The following RNF19A variants were observed in gnomAD, a reference collection of about 807,000 sequenced individuals.
The protein encoded by RNF19A is ring finger protein 19A, RBR E3 ubiquitin protein ligase.
Under a neutral mutation model 75.7 loss-of-function variants are expected in RNF19A, and 32 were observed. The observed-to-expected ratio is 0.42, with a 90% CI of 0.32 to 0.57. RNF19A has a LOEUF of 0.57. RNF19A is among the 20% of genes least tolerant of loss of function. The pLI, the probability that RNF19A is intolerant of heterozygous loss-of-function variation, is 0.10. For missense variants in RNF19A, 782 were observed against 1,036.3 expected, an observed-to-expected ratio of 0.75 and a Z score of 3.37; for synonymous variants, 335 against 345.2, an observed-to-expected ratio of 0.97 and a Z score of 0.33.
chr8:100,275,409 GT>G lies in RNF19A; in HGVS notation c.675-249del, dbSNP rs555083283. Among the ~76,000 whole-genome samples, 20 of 146,690 alleles carry G rather than the reference GT, an allele frequency of 1.4e-4. No homozygotes were observed. Among genetic ancestry groups the G allele is most frequent in the Non-Finnish European group, 1.1e-4 (7 of 66,306 alleles). On this transcript the variant is annotated intron_variant, in intron 2 of 9. Transcript: ENST00000341084. The surrounding 1 kb of genome is among the most constrained non-coding windows in gnomAD (Gnocchi z 4.3). Reference sequence around the variant, plus strand: ...TCAGGGTTTTTTTTTTAGGTTCAGGGTTTTTTTTTTAGATTCAGGGGGTACA... The same window carrying G: ...TCAGGGTTTTTTTTTTAGGTTCAGGGTTTTTTTTTAGATTCAGGGGGTACA...
In RNF19A at chr8:100,260,815, A is replaced by G. The variant is rs1819676793; in HGVS notation, c.1682+727T>C. On this transcript the variant is annotated intron_variant, in intron 8 of 9. Coordinates refer to ENST00000341084, the MANE Select transcript of RNF19A (RefSeq NM_183419.4). The surrounding 1 kb of genome is among the most constrained non-coding windows in gnomAD (Gnocchi z 4.1). ...ATAAAAGACTTGGTGAGAACAAAGTAAGCAAGCATTAATACATAAAAGGAC... is the reference window on the plus strand; with the variant it reads ...ATAAAAGACTTGGTGAGAACAAAGTGAGCAAGCATTAATACATAAAAGGAC... 6.6e-6 allele frequency among the ~76,000 whole-genome samples: 1 copy of G among 152,224 alleles called. No individual in the cohort carries two copies. Among genetic ancestry groups the G allele is most frequent in the Non-Finnish European group, 1.5e-5 (1 of 68,042 alleles).
In RNF19A at chr8:100,333,143, G is replaced by T. The variant is rs1822631920; in HGVS notation, c.-243+2965C>A. On this transcript the variant is annotated intron_variant, in intron 1 of 3. Coordinates refer to the RNF19A transcript ENST00000519527. The surrounding 1 kb of genome is among the most constrained non-coding windows in gnomAD (Gnocchi z 4.7). ...ATGGGGTGGGTTAACATGGGAGTGG[G>T]TTTGTCACAAAAGTGTGTTTGGTCC... Among the ~76,000 whole-genome samples, 1 of 152,138 alleles carries T rather than the reference G, an allele frequency of 6.6e-6. No individual in the cohort carries two copies.
chr8:100,301,962 G>T (rs1031303577), intron 1 of RNF19A, among the ~76,000 whole-genome samples: 4 of 152,128 alleles, frequency 2.6e-5, no homozygotes, highest in African/African-American at 9.7e-5. Context: ...GCACAGAACA[G>T]CCACTGCAAA....
chr8:100,268,525 C>A (rs1302554615), intron 5 of RNF19A: 1 of 274,262 alleles, frequency 3.6e-6, no homozygotes, highest in Non-Finnish European at 6.7e-6. Context: ...ATATTTTATA[C>A]TCAAAGTTTT....
intron 2 of RNF19A, among the ~76,000 whole-genome samples, chr8:100,285,813 G>C (rs1207235880): frequency 6.6e-6 from 1 of 151,782 alleles, no homozygotes; most frequent in African/African-American, 2.4e-5. Context: ...TTTTTTTTAA[G>C]CTATTAAAAA....
At chr8:100,301,077 A>G (rs1239575373) in intron 1 of RNF19A, among the ~76,000 whole-genome samples, 1 of 152,240 alleles carries the variant, frequency 6.6e-6, no homozygotes, top group Non-Finnish European at 1.5e-5. Context: ...TCGATGTATC[A>G]CCACTAGTCC....
At chr8:100,268,750 T>G (rs1026829334) in intron 5 of RNF19A, 35 bp downstream of exon 5, 1 of 1,290,304 alleles carries the variant, frequency 7.8e-7, no homozygotes, top group Non-Finnish European at 1.0e-6. Context: ...AGATTTAGAA[T>G]AAGATAATGG....
rs766604789 is a variant in RNF19A, at chr8:100,259,266, A to G, written c.1827-20T>C. 1 of 1,573,042 alleles carries G rather than the reference A, an allele frequency of 6.4e-7. No homozygotes were observed. The highest frequency in any genetic ancestry group is 8.6e-7 in the Non-Finnish European group (1 of 1,156,690). On this transcript the variant is annotated intron_variant, in intron 9 of 9. Transcript: ENST00000341084. This position sits in a 1 kb window ranked among gnomAD's most constrained non-coding sequence, Gnocchi z 4.5. ...CCTTCTCTGAAATATAAGAGTAACA[A>G]ATACAAACATAATTGCTGACTTCTT... is the stretch of plus-strand genomic sequence containing the variant.
intron 7 of RNF19A, among the ~76,000 whole-genome samples, chr8:100,263,348 C>A (rs1188659233): frequency 6.6e-6 from 1 of 152,202 alleles, no homozygotes; most frequent in South Asian, 2.1e-4. Context: ...AAGATGAGGA[C>A]CAAGACCTGA....
chr8:100,310,277 C>T (rs1048429231), upstream of RNF19A: 9 of 980,694 alleles, frequency 9.2e-6, no homozygotes, highest in African/African-American at 1.6e-4. Context: ...TCGTTCCGCG[C>T]CCGCGCAGGA....
At chr8:100,282,588 A>G (rs1241139880) in intron 2 of RNF19A, among the ~76,000 whole-genome samples, 1 of 152,202 alleles carries the variant, frequency 6.6e-6, no homozygotes, top group Admixed American at 6.5e-5. Flanking sequence ...CCTGAAATGT[A>G]GTTTATTCAT....
Position 100,275,109 on chromosome 8 carries a change from G to T in RNF19A, c.727C>A (p.Arg243=). Reference sequence around the variant, plus strand: ...CAAAACTCTGTTCCACAGCCCTCTCGCCCACAAGTTAATTTTGGACAGCTG... The same window carrying T: ...CAAAACTCTGTTCCACAGCCCTCTCTCCCACAAGTTAATTTTGGACAGCTG... ...CASCPKLTCG[R]EGCGTEFCYH... Residue 243 remains arginine (R), a synonymous_variant, in exon 3 of 10, where the codon CGA becomes AGA. Coordinates refer to ENST00000341084, the MANE Select transcript of RNF19A (RefSeq NM_183419.4). The surrounding 1 kb of genome is among the most constrained non-coding windows in gnomAD (Gnocchi z 4.3). 1 of 1,613,932 alleles carries T rather than the reference G, an allele frequency of 6.2e-7. No homozygotes were observed. Among genetic ancestry groups the T allele is most frequent in the South Asian group, 1.1e-5 (1 of 91,070 alleles).
chr8:100,315,854 C>T (rs1822365322), intron 1 of RNF19A, among the ~76,000 whole-genome samples: 1 of 152,174 alleles, frequency 6.6e-6, no homozygotes, highest in Admixed American at 6.5e-5. Flanking sequence ...ATCAGACTAA[C>T]AGACTCATTT....
At chr8:100,273,414 G>C (rs1343932749) in intron 3 of RNF19A, among the ~76,000 whole-genome samples, 1 of 151,984 alleles carries the variant, frequency 6.6e-6, no homozygotes, top group East Asian at 1.9e-4. Flanking sequence ...TGCTAGACTT[G>C]GCTCTAAAGC....
rs1395792814 is a variant in RNF19A at position 100,323,156 on chromosome 8, A to T, written c.-242-9784T>A. On this transcript the variant is annotated intron_variant, in intron 1 of 3. Coordinates refer to the RNF19A transcript ENST00000519527. This position sits in a 1 kb window ranked among gnomAD's most constrained non-coding sequence, Gnocchi z 4.6. ...CAATAAAGCAAAGCACAATAAAATG[A>T]GGTAAGCCCATAAATATTAGCTGTT... Among the ~76,000 whole-genome samples, 6 of 152,214 alleles carry T rather than the reference A, an allele frequency of 3.9e-5. No individual in the cohort carries two copies. Among genetic ancestry groups the T allele is most frequent in the Non-Finnish European group, 7.3e-5 (5 of 68,030 alleles).
chr8:100,257,540 TGCA>T lies in RNF19A; in HGVS notation c.*1013_*1015del, dbSNP rs1253945296. On this transcript the variant is annotated 3_prime_UTR_variant, in exon 10 of 10. Coordinates refer to ENST00000341084, the MANE Select transcript of RNF19A (RefSeq NM_183419.4). ...TTTGATTTCATGGTTGGAGAAGATA[TGCA>T]TGTGTTAAAAACTGAGGTTATGTAA... is the stretch of plus-strand genomic sequence containing the variant. 6.5e-6 allele frequency: 1 copy of T among 153,324 alleles called. No individual in the cohort carries two copies. Among genetic ancestry groups the T allele is most frequent in the Non-Finnish European group, 1.5e-5 (1 of 68,520 alleles). 9.5% of individuals were successfully genotyped at this position (153,324 alleles called of 1,614,324 possible).
upstream of RNF19A, among the ~76,000 whole-genome samples, chr8:100,311,241 C>T (rs140361780): frequency 2.0e-5 from 3 of 152,204 alleles, no homozygotes; most frequent in Admixed American, 2.0e-4. Context: ...TGTCTTTGGC[C>T]TCGAATCTTA....
At chr8:100,320,189 C>T (rs1008588335) in intron 1 of RNF19A, among the ~76,000 whole-genome samples, 1 of 152,188 alleles carries the variant, frequency 6.6e-6, no homozygotes, top group African/African-American at 2.4e-5. Flanking sequence ...TCACAAATAA[C>T]ATATTCTATT....
chr8:100,268,632 T>C (rs1486076773), intron 5 of RNF19A, 153 bp downstream of exon 5: 6 of 418,016 alleles, frequency 1.4e-5, no homozygotes, highest in African/African-American at 2.3e-5. Flanking sequence ...TAAAAATTTA[T>C]GAAAAAAGAG....
Sources: gnomAD v4.1 joint callset for allele counts (sites outside exome capture counted in the v4.1 genomes callset) on GRCh38, gnomAD v4.1.1 for gene constraint, Gnocchi (gnomAD v3.1) non-coding constraint, MANE v1.5 for transcripts, NCBI Gene and HGNC (gene_info 2026-07-23, HGNC 2026-07-21) for gene names.